The following PER2 variants were observed in gnomAD, a reference collection of about 807,000 sequenced individuals.
PER2 encodes period circadian protein homolog 2.
In PER2, 66 loss-of-function variants were observed where a neutral mutation model predicts 121.0. The observed-to-expected ratio is 0.55, with a 90% CI of 0.45 to 0.67. The LOEUF (loss-of-function observed/expected upper bound fraction) is 0.67, where lower values mean the gene tolerates loss of function less well. Among genes scored for constraint, PER2 ranks in the 30% least tolerant of loss-of-function variants. The pLI, the probability that PER2 is intolerant of heterozygous loss-of-function variation, is 0.00. For missense variants in PER2, 1,521 were observed against 1,635.0 expected, an observed-to-expected ratio of 0.93 and a Z score of 1.20; for synonymous variants, 684 against 659.9, an observed-to-expected ratio of 1.04 and a Z score of -0.56.
chr2:238,295,870 G>T, the PER2 span: 1 of 199,192 alleles, frequency 5.0e-6, no homozygotes, highest in Non-Finnish European at 1.0e-5. Flanking sequence ...GAGGAAAAAC[G>T]GGCTCCCTCT....
At chr2:238,269,358 ACAC>A (rs1357875146) in intron 6 of PER2, among the ~76,000 whole-genome samples, 1 of 147,796 alleles carries the variant, frequency 6.8e-6, no homozygotes, top group African/African-American at 2.5e-5. Flanking sequence ...TGCTGCAAAC[ACAC>A]CAACTAACCT....
chr2:238,264,576 T>A (rs752149550), intron 9 of PER2, among the ~76,000 whole-genome samples: 25 of 152,224 alleles, frequency 1.6e-4, no homozygotes, highest in Non-Finnish European at 3.4e-4. Context: ...TCCTGTGGTA[T>A]CTTCTGAGGT....
intron 4 of PER2, among the ~76,000 whole-genome samples, chr2:238,274,671 G>A (rs535474308): frequency 2.0e-5 from 3 of 152,300 alleles, no homozygotes; most frequent in East Asian, 1.9e-4. Context: ...CGGAAAAGGG[G>A]GCCTCCACAG....
At chr2:238,278,013 A>G in intron 1 of PER2, 58 bp from the exon 2 acceptor site, 1 of 1,565,258 alleles carries the variant, frequency 6.4e-7, no homozygotes, top group Middle Eastern at 2.2e-4. Flanking sequence ...GGGGCGCTGC[A>G]GCCATCAGGT....
chr2:238,294,301 C>T (rs1211932001), upstream of PER2, among the ~76,000 whole-genome samples: 5 of 152,314 alleles, frequency 3.3e-5, no homozygotes, highest in Admixed American at 6.5e-5. Flanking sequence ...CTGGGGGCGT[C>T]ACTGAGGGGT....
chr2:238,293,886 C>A (rs1697003093), upstream of PER2, among the ~76,000 whole-genome samples: 1 of 152,144 alleles, frequency 6.6e-6, no homozygotes. Flanking sequence ...CAACTCTCTG[C>A]CTCAGGAACT....
rs962808354 is a variant in PER2 at position 238,258,383 on chromosome 2, T to A, written c.1793A>T (p.Asn598Ile). 3 of 1,614,172 alleles carry A rather than the reference T, an allele frequency of 1.9e-6. No individual in the cohort carries two copies. Among genetic ancestry groups the A allele is most frequent in the Non-Finnish European group, 2.5e-6 (3 of 1,180,030 alleles). Reference protein sequence around the residue: ...DSVIRYLESCNEAATLKRKCE... With the variant: ...DSVIRYLESCIEAATLKRKCE... ...TTTCCTCTTCAGGGTGGCAGCCTCA[T>A]TGCAGCTCTCCAAGTACCTGTGTGA... Residue 598 changes from asparagine (N) to isoleucine (I), a missense_variant, in exon 16 of 23, where the codon AAT becomes ATT. Coordinates refer to ENST00000254657, the MANE Select transcript of PER2 (RefSeq NM_022817.3).
intron 8 of PER2, among the ~76,000 whole-genome samples, chr2:238,266,693 A>C (rs71426509): frequency 0.093 from 14,149 of 152,224 alleles, 709 homozygotes; most frequent in South Asian, 0.13. Flanking sequence ...AGGAACACAA[A>C]AAACATTGCA....
intron 8 of PER2, among the ~76,000 whole-genome samples, chr2:238,266,034 G>C (rs1302427483): frequency 6.6e-6 from 1 of 151,940 alleles, no homozygotes; most frequent in African/African-American, 2.4e-5. Flanking sequence ...CTCTCCAGTA[G>C]TTGGGACTAC....
chr2:238,259,978 A>T lies in PER2; in HGVS notation c.1618T>A (p.Ser540Thr). The change falls in exon 14 of 23, where the codon TCC becomes ACC. Residue 540 changes from serine (S) to threonine (T), a missense_variant. Physicochemically the swap from Ser to Thr is moderately conservative, Grantham distance 58 (BLOSUM62 1). Transcript: ENST00000254657. ...SHESGEQKKK[S>T]VTEMQTNPPA... is the part of the protein sequence containing the mutation. ...ATATTTTTTTTTTTACCTGTAACGGATTTTTTCTTTTGTTCTCCAGATTCA... is the reference window on the plus strand; with the variant it reads ...ATATTTTTTTTTTTACCTGTAACGGTTTTTTTCTTTTGTTCTCCAGATTCA... The T allele has an allele frequency of 1.4e-6, 2 of 1,427,510 alleles. No homozygotes were observed. The highest frequency in any genetic ancestry group is 2.0e-6 in the Non-Finnish European group (2 of 1,017,184). 88.4% of individuals were successfully genotyped at this position (1,427,510 alleles called of 1,614,324 possible).
chr2:238,271,045 C>T (rs1397159253), intron 6 of PER2, among the ~76,000 whole-genome samples: 2 of 152,248 alleles, frequency 1.3e-5, no homozygotes, highest in East Asian at 3.8e-4. Flanking sequence ...CAGCAAGATT[C>T]CAGCTTTTCC....
In PER2 at chr2:238,253,031, C is replaced by T. The variant is rs1347175346; in HGVS notation, c.2992G>A (p.Glu998Lys). ...GCTCCAGTGCCACCCTCAGGGGCTT[C>T]CTCCAGCTGCAGCAGGTTGAGCTGC... ...PLQLNLLQLEEAPEGGTGAMG... is the reference protein window; with the variant it reads ...PLQLNLLQLEKAPEGGTGAMG... The change falls in exon 19 of 23, where the codon GAA (glutamate) becomes AAA (lysine). Residue 998 changes from glutamate to lysine, a missense_variant. By Grantham distance (56) the Glu-to-Lys change is moderately conservative (BLOSUM62 1). Coordinates refer to ENST00000254657, the MANE Select transcript of PER2 (RefSeq NM_022817.3). This position sits in a 1 kb window ranked among gnomAD's most constrained non-coding sequence, Gnocchi z 5.6. 3 of 1,613,902 alleles carry T rather than the reference C, an allele frequency of 1.9e-6. No individual in the cohort carries two copies. Among genetic ancestry groups the T allele is most frequent in the South Asian group, 2.2e-5 (2 of 91,060 alleles).
At position 238,252,356 on chromosome 2, in the gene PER2, C is replaced by T. The variant is rs963844864; in HGVS notation, c.3111+556G>A. ...GGCCTACGGACTGCACTGCTGCTGG[C>T]GTTCCCACACACTTGAGCTCGTTCA... On this transcript the variant is annotated intron_variant, in intron 19 of 22. Coordinates refer to ENST00000254657, the MANE Select transcript of PER2 (RefSeq NM_022817.3). This position sits in a 1 kb window ranked among gnomAD's most constrained non-coding sequence, Gnocchi z 4.2. Among the ~76,000 whole-genome samples, 7 of 152,252 alleles carry T rather than the reference C, an allele frequency of 4.6e-5. No homozygotes were observed. The highest frequency in any genetic ancestry group is 1.7e-4 in the African/African-American group (7 of 41,462).
the PER2 span, among the ~76,000 whole-genome samples, chr2:238,296,721 G>A: frequency 3.5e-4 from 53 of 151,746 alleles, 1 homozygote; most frequent in African/African-American, 1.2e-3. Flanking sequence ...ACGGACACGG[G>A]CAGACATTCC....
At chr2:238,271,284 G>C (rs757060640) in intron 6 of PER2, 28 bp downstream of exon 6, 1 of 1,596,142 alleles carries the variant, frequency 6.3e-7, no homozygotes, top group African/African-American at 1.3e-5. Flanking sequence ...ACCCCAGAGG[G>C]AACAAGGCAC....
At chr2:238,290,157 A>G (rs1009563130), upstream of PER2, 6 of 152,356 alleles carry the variant, frequency 3.9e-5, no homozygotes, top group Non-Finnish European at 8.8e-5. Context: ...GATGCAAACC[A>G]GGGCAAATAC....
intron 1 of PER2, among the ~76,000 whole-genome samples, chr2:238,278,334 A>G (rs920897150): frequency 2.0e-5 from 3 of 152,146 alleles, no homozygotes; most frequent in Admixed American, 2.0e-4. Flanking sequence ...GCCTCCCAAA[A>G]TGTTGAGATT....
At chr2:238,291,965 C>T (rs1442094633), upstream of PER2, among the ~76,000 whole-genome samples, 1 of 152,224 alleles carries the variant, frequency 6.6e-6, no homozygotes, top group Non-Finnish European at 1.5e-5. Flanking sequence ...AGTTTGAGAA[C>T]AGCCTGGGCA....
rs79760056 is a variant in PER2, at chr2:238,264,454, G to A, written c.1046+1058C>T. The stretch of plus-strand genomic sequence containing the variant: ...CTGTGTGGCCCTGACTCCAAGGATG[G>A]GGGCCTGTGTCCCTGGGCCAAGAGT... On this transcript the variant is annotated intron_variant, in intron 9 of 22. Coordinates refer to ENST00000254657, the MANE Select transcript of PER2 (RefSeq NM_022817.3). 7.5e-3 allele frequency among the ~76,000 whole-genome samples: 1,143 copies of A among 152,220 alleles called. 14 individuals carry two copies. Among genetic ancestry groups the A allele is most frequent in the African/African-American group, 0.026 (1,094 of 41,534 alleles).
Sources: gnomAD v4.1 joint callset for allele counts (sites outside exome capture counted in the v4.1 genomes callset) on GRCh38, gnomAD v4.1.1 for gene constraint, Gnocchi (gnomAD v3.1) non-coding constraint, MANE v1.5 for transcripts, NCBI Gene and HGNC (gene_info 2026-07-23, HGNC 2026-07-21) for gene names.